ST3GAL3: variants seen among roughly 807,000 people sequenced by gnomAD.
ST3GAL3 encodes ST3 beta-galactoside alpha-2,3-sialyltransferase 3, also known as CMP-N-acetylneuraminate-beta-1,4-galactoside alpha-2,3-sialyltransferase.
Under a neutral mutation model 50.1 loss-of-function variants are expected in ST3GAL3, and 21 were observed. The observed-to-expected ratio is 0.42, with a 90% CI of 0.30 to 0.60. The LOEUF is 0.60. Among genes scored for constraint, ST3GAL3 ranks in the 20% least tolerant of loss-of-function variants. The probability of loss-of-function intolerance (pLI) is 0.19; values close to 1 mark genes in which losing one functional copy is unlikely to be tolerated. For synonymous variants in ST3GAL3, 183 were observed against 190.0 expected (o/e 0.96, Z 0.30); for missense variants, 353 against 489.4 (o/e 0.72, Z 2.63).
At chr1:43,715,100 G>A (rs930339063) in intron 1 of ST3GAL3, among the ~76,000 whole-genome samples, 1 of 152,114 alleles carries the variant, frequency 6.6e-6, no homozygotes, top group Non-Finnish European at 1.5e-5. Flanking sequence ...TTTGGAATAT[G>A]TTAAATCAGG....
intron 5 of ST3GAL3, among the ~76,000 whole-genome samples, chr1:43,889,487 A>G (rs1331718233): frequency 1.3e-5 from 2 of 152,340 alleles, no homozygotes; most frequent in Admixed American, 6.5e-5. Flanking sequence ...GTATCATGTC[A>G]TTGATAAATT....
chr1:43,903,385 C>T (rs529333577), intron 9 of ST3GAL3, among the ~76,000 whole-genome samples: 16 of 152,190 alleles, frequency 1.1e-4, no homozygotes, highest in Non-Finnish European at 2.1e-4. Context: ...TCCCCCACTG[C>T]GCCTCAGCAG....
At chr1:43,879,307 C>T (rs1355949649) in intron 5 of ST3GAL3, 1 of 456,032 alleles carries the variant, frequency 2.2e-6, no homozygotes, top group Non-Finnish European at 4.4e-6. Context: ...GCCCTTTAAC[C>T]TGTGGTTTGG....
In ST3GAL3 at chr1:43,813,483, C is replaced by A. The variant is rs982561173; in HGVS notation, c.167-1408C>A. The stretch of plus-strand genomic sequence containing the variant: ...TCCATTCGCCTGCGTTAGAGCAAAA[C>A]CAGAATTATTTTGAGGAAAGACTTT... On this transcript the variant is annotated intron_variant, in intron 3 of 11. Transcript: ENST00000347631. Among the ~76,000 whole-genome samples, 5 of 152,100 alleles carry A rather than the reference C, an allele frequency of 3.3e-5. 1 individual carries two copies. The South Asian group carries it at 1.0e-3, about 32-fold the overall frequency.
At chr1:43,917,603 T>TATAA (rs1491234536) in intron 9 of ST3GAL3, among the ~76,000 whole-genome samples, 1 of 15,922 alleles carries the variant, frequency 6.3e-5, no homozygotes, top group Non-Finnish European at 1.9e-4. Flanking sequence ...AATATATATA[T>TATAA]TATATATTAT....
intron 4 of ST3GAL3, among the ~76,000 whole-genome samples, chr1:43,836,913 C>T (rs1014373412): frequency 6.6e-6 from 1 of 152,194 alleles, no homozygotes; most frequent in Non-Finnish European, 1.5e-5. Flanking sequence ...CACACAGCAA[C>T]AGGCCAGGAT....
chr1:43,921,095 G>A (rs1372548411), intron 11 of ST3GAL3, among the ~76,000 whole-genome samples, 167 bp downstream of exon 11: 1 of 152,056 alleles, frequency 6.6e-6, no homozygotes, highest in East Asian at 1.9e-4. Context: ...ACTGAACCCA[G>A]GGCCTTCTCC....
chr1:43,899,794 G>T lies in ST3GAL3; in HGVS notation c.744+67G>T, dbSNP rs997143554. 3.2e-5 allele frequency: 47 copies of T among 1,447,728 alleles called. No homozygotes were observed. Among genetic ancestry groups the T allele is most frequent in the Middle Eastern group, 1.8e-4 (1 of 5,708 alleles). 89.7% of individuals were successfully genotyped at this position (1,447,728 alleles called of 1,614,324 possible). A position where few individuals can be genotyped will look rare whatever the true frequency, so the allele number is the denominator to read the frequency against. ...GCTTCCGCAACTCCTAAGCAATCCC[G>T]CCCCTTGAATGCAGCAAAGAACGAG... On this transcript the variant is annotated intron_variant, in intron 9 of 11. Transcript: ENST00000347631. The surrounding 1 kb of genome is among the most constrained non-coding windows in gnomAD (Gnocchi z 5.4).
At chr1:43,712,999 C>T (rs976784988) in intron 1 of ST3GAL3, among the ~76,000 whole-genome samples, 2 of 152,222 alleles carry the variant, frequency 1.3e-5, no homozygotes, top group Non-Finnish European at 2.9e-5. Flanking sequence ...TCAGGAACAT[C>T]ACTGTGTGGA....
intron 5 of ST3GAL3, among the ~76,000 whole-genome samples, chr1:43,851,768 C>A (rs2067351788): frequency 6.6e-6 from 1 of 152,166 alleles, no homozygotes; most frequent in Non-Finnish European, 1.5e-5. Context: ...CACAGCCCCG[C>A]ACATGTGCCT....
intron 1 of ST3GAL3, among the ~76,000 whole-genome samples, chr1:43,735,944 T>C (rs1360890187): frequency 6.6e-6 from 1 of 152,194 alleles, no homozygotes; most frequent in African/African-American, 2.4e-5. Context: ...GAAGGGGCTA[T>C]GATTTGAAAA....
At chr1:43,770,247 G>A (rs886469474) in intron 2 of ST3GAL3, among the ~76,000 whole-genome samples, 8 of 136,054 alleles carry the variant, frequency 5.9e-5, no homozygotes, top group African/African-American at 2.2e-4. Context: ...GAGGAGAGGG[G>A]AGGGGAGGAG....
Position 43,713,656 on chromosome 1 carries a change from A to G in ST3GAL3, c.-31+5963A>G, listed in dbSNP as rs1037235590. 5.3e-5 allele frequency among the ~76,000 whole-genome samples: 8 copies of G among 150,106 alleles called. No individual in the cohort carries two copies. In the East Asian group the frequency reaches 1.6e-3, roughly 30 times the overall value. On this transcript the variant is annotated intron_variant, in intron 1 of 11. Coordinates refer to ENST00000347631, the MANE Select transcript of ST3GAL3 (RefSeq NM_006279.5). ...GGTGGTCCTCCCACCTCAGCCTCCC[A>G]GATAGCTGGTACCACAGGCACTCAC...
At chr1:43,754,518 G>A (rs1285311333) in intron 2 of ST3GAL3, among the ~76,000 whole-genome samples, 2 of 152,120 alleles carry the variant, frequency 1.3e-5, no homozygotes, top group South Asian at 2.1e-4. Context: ...TTAGTAGAAC[G>A]TAAAGATGGC....
intron 5 of ST3GAL3, among the ~76,000 whole-genome samples, chr1:43,868,938 A>G (rs775256100): frequency 1.3e-5 from 2 of 152,174 alleles, no homozygotes; most frequent in Admixed American, 6.5e-5. Context: ...AGACAGCCCA[A>G]TGAAGAAAGT....
intron 1 of ST3GAL3, among the ~76,000 whole-genome samples, chr1:43,723,644 C>T (rs1429298977): frequency 6.6e-6 from 1 of 150,710 alleles, no homozygotes; most frequent in Non-Finnish European, 1.5e-5. Flanking sequence ...CAGAGTCTCA[C>T]TCTGTTGCCC....
At chr1:43,783,673 A>G (rs12760274) in intron 2 of ST3GAL3, among the ~76,000 whole-genome samples, 33,661 of 152,118 alleles carry the variant, frequency 0.22, 4,891 homozygotes, top group Non-Finnish European at 0.32. Flanking sequence ...GCCTAGTTCC[A>G]TATTCATTCC....
At position 43,891,139 on chromosome 1, in the gene ST3GAL3, G is replaced by A. The variant is rs79974737; in HGVS notation, c.303-3244G>A. Among the ~76,000 whole-genome samples, 78 of 152,298 alleles carry A rather than the reference G, an allele frequency of 5.1e-4. 1 individual carries two copies. The East Asian group carries it at 0.014, about 27-fold the overall frequency. On this transcript the variant is annotated intron_variant, in intron 5 of 11. Transcript: ENST00000347631. ...CTGATTCCAGGTTGGGGCAAGAAAT[G>A]TACAAGATCAGCCTCAAAAATCTTT...
At chr1:43,779,077 G>A (rs1319727175) in intron 2 of ST3GAL3, among the ~76,000 whole-genome samples, 1 of 151,984 alleles carries the variant, frequency 6.6e-6, no homozygotes, top group Non-Finnish European at 1.5e-5. Context: ...GAGTAGATGG[G>A]ATTACAGGCA....
Sources: gnomAD v4.1 joint callset for allele counts (sites outside exome capture counted in the v4.1 genomes callset) on GRCh38, gnomAD v4.1.1 for gene constraint, Gnocchi (gnomAD v3.1) non-coding constraint, MANE v1.5 for transcripts, NCBI Gene and HGNC (gene_info 2026-07-23, HGNC 2026-07-21) for gene names.